The following IQSEC2 variants were observed in gnomAD, a reference collection of about 807,000 sequenced individuals.
The protein encoded by IQSEC2 is IQ motif and Sec7 domain ArfGEF 2.
In IQSEC2, 6 loss-of-function variants were observed where a neutral mutation model predicts 74.6. The observed-to-expected ratio is 0.08, with a 90% CI of 0.04 to 0.16. IQSEC2 has a LOEUF of 0.16. IQSEC2 is among the 10% of genes least tolerant of loss of function. IQSEC2 has a pLI of 1.00. For missense variants in IQSEC2, 734 were observed against 1,306.2 expected (o/e 0.56, Z 6.75); for synonymous variants, 494 against 544.5 (o/e 0.91, Z 1.29).
At chrX:53,303,799 TAAA>T (rs782516827) in intron 1 of IQSEC2, among the ~76,000 whole-genome samples, 2 of 94,688 alleles carry the variant, frequency 2.1e-5, no homozygotes, top group Admixed American at 1.2e-4. Context: ...AAACTCCATC[TAAA>T]AAAAAAAAAA....
At chrX:53,242,029 A>C in intron 9 of IQSEC2, 120 bp from the exon 10 acceptor site, 1 of 884,950 alleles carries the variant, frequency 1.1e-6, no homozygotes, top group Non-Finnish European at 1.6e-6. Context: ...ACTCTGACAC[A>C]AGGGGTATCA....
At chrX:53,238,688 T>C (rs1354921951) in intron 11 of IQSEC2, among the ~76,000 whole-genome samples, 1 of 108,597 alleles carries the variant, frequency 9.2e-6, no homozygotes, top group African/African-American at 3.4e-5. Flanking sequence ...CATGAAATAA[T>C]TTTTCTACTG....
At chrX:53,313,504 G>A (rs930363803) in intron 1 of IQSEC2, among the ~76,000 whole-genome samples, 1 of 111,738 alleles carries the variant, frequency 8.9e-6, no homozygotes, top group South Asian at 3.7e-4. Flanking sequence ...CCATGAGGAA[G>A]TTATAGTAAC....
At position 53,250,457 on chromosome X, in the gene IQSEC2, C is replaced by T; in HGVS notation, c.2119G>A (p.Glu707Lys). 1 of 1,211,829 alleles carries T rather than the reference C, an allele frequency of 8.3e-7. No homozygotes were observed. The highest frequency in any genetic ancestry group is 1.1e-6 in the Non-Finnish European group (1 of 895,430). Residue 707 changes from glutamate to lysine, a missense_variant, in exon 5 of 15, where the codon GAG becomes AAG. By Grantham distance (56) the Glu-to-Lys change is moderately conservative (BLOSUM62 1). Coordinates refer to ENST00000642864, the MANE Select transcript of IQSEC2 (RefSeq NM_001111125.3). ...GAGCCGGAGCTGCAGTTGATGGTCTCATTGGAATTGCTGGAGCTCTCAAGG... is the reference window on the plus strand; with the variant it reads ...GAGCCGGAGCTGCAGTTGATGGTCTTATTGGAATTGCTGGAGCTCTCAAGG... ...ESLESSSNSNETINCSSGSSS... is the reference protein window; with the variant it reads ...ESLESSSNSNKTINCSSGSSS...
Position 53,258,246 on chromosome X carries a change from T to C in IQSEC2, c.738-2185A>G, listed in dbSNP as rs2074508517. On this transcript the variant is annotated intron_variant, in intron 2 of 14. Coordinates refer to ENST00000642864, the MANE Select transcript of IQSEC2 (RefSeq NM_001111125.3). The stretch of plus-strand genomic sequence containing the variant: ...CAGCCAGAAATTATTGCTGATCCTG[T>C]TCAGAGCTCCCACACACAGCACATG... Among the ~76,000 whole-genome samples, 3 of 112,226 alleles carry C rather than the reference T, an allele frequency of 2.7e-5. No homozygotes were observed. In the South Asian group the frequency reaches 1.1e-3, roughly 41 times the overall value.
chrX:53,256,710 G>A (rs1001362427), intron 2 of IQSEC2, among the ~76,000 whole-genome samples: 2 of 112,800 alleles, frequency 1.8e-5, no homozygotes. Context: ...CTGGTTGCGA[G>A]GGCAGGGCCA....
Position 53,267,154 on chromosome X carries a change from G to C in IQSEC2, c.738-11093C>G, listed in dbSNP as rs782396791. ...AGTTTGCAGAGCAGGGGAGATACGC[G>C]AAGGGCCAGGACCGGAACCAGAAGG... On this transcript the variant is annotated intron_variant, in intron 2 of 14. Coordinates refer to ENST00000642864, the MANE Select transcript of IQSEC2 (RefSeq NM_001111125.3). The C allele has an allele frequency of 3.7e-4, 404 of 1,080,603 alleles. 3 individuals are homozygous for C. The South Asian group carries it at 5.4e-3, about 14-fold the overall frequency. The allele number at this position is 1,080,603 out of a possible 1,213,427, so 89.1% of individuals were successfully genotyped here. A position where few individuals can be genotyped will look rare whatever the true frequency, so the allele number is the denominator to read the frequency against.
Position 53,321,125 on chromosome X carries a change from C to T in IQSEC2, c.-2G>A. 2 of 1,112,795 alleles carry T rather than the reference C, an allele frequency of 1.8e-6. No individual in the cohort carries two copies. The highest frequency in any genetic ancestry group is 2.4e-6 in the Non-Finnish European group (2 of 835,161). 91.7% of individuals were successfully genotyped at this position (1,112,795 alleles called of 1,213,427 possible). A position where few individuals can be genotyped will look rare whatever the true frequency, so the allele number is the denominator to read the frequency against. ...CGGGGGCCCCGACCCCGCCTCCATC[C>T]TGGCGGCCCAGGGGCAGGGGAACGG... On this transcript the variant is annotated 5_prime_UTR_variant, in exon 1 of 15. Coordinates refer to ENST00000642864, the MANE Select transcript of IQSEC2 (RefSeq NM_001111125.3).
intron 14 of IQSEC2, 147 bp from the exon 15 acceptor site, chrX:53,235,331 T>C (rs782635015): frequency 2.4e-4 from 172 of 705,911 alleles, no homozygotes; most frequent in Middle Eastern, 9.7e-4. Flanking sequence ...GGTACGCGTA[T>C]GTGGAGCTCC....
intron 10 of IQSEC2, among the ~76,000 whole-genome samples, chrX:53,240,620 G>A (rs979787052): frequency 8.9e-6 from 1 of 112,068 alleles, no homozygotes; most frequent in African/African-American, 3.2e-5. Flanking sequence ...AGAGGAAGGC[G>A]GCTTTCTGTC....
At chrX:53,230,005 C>T (rs1372672794), downstream of IQSEC2, 1 of 112,571 alleles carries the variant, frequency 8.9e-6, no homozygotes, top group African/African-American at 3.2e-5. Flanking sequence ...CCTGTCTCCA[C>T]GCGGTGCCAT....
intron 14 of IQSEC2, among the ~76,000 whole-genome samples, chrX:53,235,520 G>A (rs1382717516): frequency 1.8e-5 from 2 of 111,417 alleles, no homozygotes; most frequent in Non-Finnish European, 3.8e-5. Flanking sequence ...AGAGCTTCTC[G>A]TGGCCCAACT....
Position 53,234,482 on chromosome X carries a change from C to T in IQSEC2, c.4204G>A (p.Ala1402Thr), listed in dbSNP as rs1085307636. 40 of 1,081,080 alleles carry T rather than the reference C, an allele frequency of 3.7e-5. No homozygotes were observed. The highest frequency in any genetic ancestry group is 7.6e-5 in the South Asian group (3 of 39,482). 89.1% of individuals were successfully genotyped at this position (1,081,080 alleles called of 1,213,427 possible). A position where few individuals can be genotyped will look rare whatever the true frequency, so the allele number is the denominator to read the frequency against. The change falls in exon 15 of 15, where the codon GCG becomes ACG. Residue 1402 changes from alanine (A) to threonine (T), a missense_variant. Around this residue, in one of 12 missense-constraint regions of IQSEC2, gnomAD observed 249 missense variants for 467.9 expected, o/e 0.53. Transcript: ENST00000642864. ...GGCCGGGATCCAGGGCCCCCAGCCG[C>T]GCCTGCTGCTGGCATCATCTGTGGG... ...HHPQMMPAAG[A>T]AGGPGSRPPG...
Position 53,243,440 on chromosome X carries a change from G to A in IQSEC2, c.2781C>T (p.Asp927=), listed in dbSNP as rs782539513. The part of the protein sequence containing the change: ...GVDNGEDIPR[D]LLVGIYQRIQ... ...TGCGCTGGTAGATGCCCACCAGGAG[G>A]TCTCGGGGGATGTCTTCACCATTGT... The change falls in exon 9 of 15, where the codon GAC becomes GAT. Residue 927 remains aspartate (D), a synonymous_variant. Coordinates refer to ENST00000642864, the MANE Select transcript of IQSEC2 (RefSeq NM_001111125.3). 8.5e-7 allele frequency: 1 copy of A among 1,174,696 alleles called. No homozygotes were observed. Among genetic ancestry groups the A allele is most frequent in the South Asian group, 1.9e-5 (1 of 52,797 alleles).
chrX:53,269,052 A>G (rs2074701558), intron 2 of IQSEC2, among the ~76,000 whole-genome samples: 1 of 112,250 alleles, frequency 8.9e-6, no homozygotes, highest in African/African-American at 3.2e-5. Context: ...CCCAGCCTTC[A>G]TCAAGCTAGC....
intron 2 of IQSEC2, among the ~76,000 whole-genome samples, chrX:53,258,826 AG>A (rs1313616377): frequency 2.7e-5 from 3 of 109,213 alleles, no homozygotes; most frequent in Non-Finnish European, 5.7e-5. Flanking sequence ...CCTGGGAGAC[AG>A]AGCGAGACTC....
rs1336497487 is a variant in IQSEC2 at position 53,233,936 on chromosome X, G to A, written c.*283C>T. 4 of 294,921 alleles carry A rather than the reference G, an allele frequency of 1.4e-5. No individual in the cohort carries two copies. The highest frequency in any genetic ancestry group is 2.4e-5 in the Non-Finnish European group (4 of 170,061). The allele number at this position is 294,921 out of a possible 1,213,427, so 24.3% of individuals were successfully genotyped here. On this transcript the variant is annotated 3_prime_UTR_variant, in exon 15 of 15. Transcript: ENST00000642864. ...AGGGAAAAGTGGGGAAGAAGAAGAC[G>A]GGAGAAAGAGTACGAGGATCTCTGG...
chrX:53,320,845 G>A lies in IQSEC2; in HGVS notation c.279C>T (p.Arg93=). ...GCTCGCGGTGGTGGAACTGGGTCTC[G>A]CGCAGGTTCTGGTACTGGCTCTCGC... ...PGRESQYQNL[R]ETQFHHRELR... is the part of the protein sequence containing the mutation. The change falls in exon 1 of 15, where the codon CGC becomes CGT. Residue 93 remains arginine, a synonymous_variant. Coordinates refer to ENST00000642864, the MANE Select transcript of IQSEC2 (RefSeq NM_001111125.3). 1 of 1,163,973 alleles carries A rather than the reference G, an allele frequency of 8.6e-7. No homozygotes were observed. Among genetic ancestry groups the A allele is most frequent in the Admixed American group, 2.6e-5 (1 of 38,631 alleles).
At chrX:53,264,986 A>C (rs1414216330) in intron 2 of IQSEC2, among the ~76,000 whole-genome samples, 2 of 109,965 alleles carry the variant, frequency 1.8e-5, no homozygotes, top group Non-Finnish European at 3.8e-5. Context: ...GGCTGATCTG[A>C]AACTCCTGGC....
Sources: allele counts gnomAD v4.1 joint callset (sites outside exome capture counted in the v4.1 genomes callset), GRCh38; gene constraint gnomAD v4.1.1; regional missense constraint gnomAD v4.1.1; transcripts MANE v1.5; gene names NCBI Gene and HGNC (gene_info 2026-07-23, HGNC 2026-07-21).